Variants in TMED8 observed in about 807,000 individuals in gnomAD.
TMED8 encodes the protein protein TMED8.
Under a neutral mutation model 32.7 loss-of-function variants are expected in TMED8, and 15 were observed. The observed-to-expected ratio is 0.46, with a 90% CI of 0.31 to 0.71. The LOEUF is 0.71. Ranked by LOEUF, TMED8 falls within the 30% of genes least tolerant of loss-of-function variation. TMED8 has a pLI of 0.06. For synonymous variants in TMED8, 147 were observed against 161.4 expected (o/e 0.91, Z 0.68); for missense variants, 390 against 423.9 (o/e 0.92, Z 0.70).
chr14:77,344,407 T>C (rs1892980574), intron 3 of TMED8, among the ~76,000 whole-genome samples: 1 of 152,234 alleles, frequency 6.6e-6, no homozygotes, highest in Non-Finnish European at 1.5e-5. Flanking sequence ...TCACTAACAG[T>C]GTTCTATCAA....
At chr14:77,375,183 G>A (rs1446302645) in intron 1 of TMED8, among the ~76,000 whole-genome samples, 1 of 152,012 alleles carries the variant, frequency 6.6e-6, no homozygotes, top group Non-Finnish European at 1.5e-5. Context: ...ACCTCAAGAG[G>A]AAGAGCTTGC....
chr14:77,375,320 G>T (rs190792395), intron 1 of TMED8, among the ~76,000 whole-genome samples: 83 of 152,158 alleles, frequency 5.5e-4, no homozygotes, highest in African/African-American at 2.0e-3. Flanking sequence ...ATGCAGGAAT[G>T]AATTAGATGT....
chr14:77,343,110 C>T, intron 5 of TMED8, 68 bp downstream of exon 5: 1 of 1,512,268 alleles, frequency 6.6e-7, no homozygotes, highest in Non-Finnish European at 8.9e-7. Flanking sequence ...ACTGGTACAA[C>T]CCACAAAATG....
At position 77,343,813 on chromosome 14, in the gene TMED8, T is replaced by C. The variant is rs780778623; in HGVS notation, c.338A>G (p.Tyr113Cys). ...QAQVLNEMAK[Y>C]QVPQRSGDIV... ...GTCCCCAGACCTCTGTGGAACTTGATACTTAGCCATCTGCACAACAGAACT... is the reference window on the plus strand; with the variant it reads ...GTCCCCAGACCTCTGTGGAACTTGACACTTAGCCATCTGCACAACAGAACT... The change falls in exon 4 of 6, where the codon TAT (tyrosine) becomes TGT (cysteine). Residue 113 changes from tyrosine to cysteine, a missense_variant. Coordinates refer to ENST00000216468, the MANE Select transcript of TMED8 (RefSeq NM_213601.3). 2.5e-6 allele frequency: 4 copies of C among 1,613,584 alleles called. No homozygotes were observed. The highest frequency in any genetic ancestry group is 3.3e-5 in the Admixed American group (2 of 60,004).
At chr14:77,348,767 C>A (rs1893109791) in intron 2 of TMED8, among the ~76,000 whole-genome samples, 1 of 152,160 alleles carries the variant, frequency 6.6e-6, no homozygotes, top group Non-Finnish European at 1.5e-5. Context: ...AGAAGAATCA[C>A]TCCTTCAGAT....
intron 1 of TMED8, chr14:77,359,610 TA>T: frequency 2.6e-6 from 1 of 389,436 alleles, no homozygotes; most frequent in South Asian, 1.9e-5. Context: ...AAAAACAGTT[TA>T]AAAAGAAATA....
chr14:77,345,789 G>A (rs1566685132), intron 3 of TMED8, among the ~76,000 whole-genome samples: 1 of 151,824 alleles, frequency 6.6e-6, no homozygotes, highest in Non-Finnish European at 1.5e-5. Flanking sequence ...GACCAATATG[G>A]TGAAGCCCTG....
intron 1 of TMED8, among the ~76,000 whole-genome samples, chr14:77,357,844 C>A (rs193146147): frequency 7.2e-5 from 11 of 152,228 alleles, no homozygotes; most frequent in South Asian, 6.2e-4. Flanking sequence ...TCTTTAAAGG[C>A]TGGGCATGGT....
intron 3 of TMED8, among the ~76,000 whole-genome samples, chr14:77,344,569 G>A (rs1892983724): frequency 6.6e-6 from 1 of 152,196 alleles, no homozygotes; most frequent in Non-Finnish European, 1.5e-5. Flanking sequence ...TCTCCCTGGT[G>A]AGTTTCCCTT....
Position 77,351,657 on chromosome 14 carries a change from T to C in TMED8, c.197+16A>G, listed in dbSNP as rs2093624020. The C allele has an allele frequency of 6.2e-7, 1 of 1,602,960 alleles. No individual in the cohort carries two copies. Among genetic ancestry groups the C allele is most frequent in the Non-Finnish European group, 8.5e-7 (1 of 1,174,432 alleles). The stretch of plus-strand genomic sequence containing the variant: ...GAAGATAAAACCTGTGAAAGCATTC[T>C]ATCCAAAGTGGTTACCTGTGGGGTG... On this transcript the variant is annotated intron_variant, in intron 2 of 5. Coordinates refer to ENST00000216468, the MANE Select transcript of TMED8 (RefSeq NM_213601.3).
chr14:77,361,532 T>C (rs930474635), intron 1 of TMED8, among the ~76,000 whole-genome samples: 1 of 152,168 alleles, frequency 6.6e-6, no homozygotes, highest in African/African-American at 2.4e-5. Context: ...TTTCTTAGGA[T>C]TGCTTGTATA....
chr14:77,368,585 C>A (rs914735292), intron 1 of TMED8, among the ~76,000 whole-genome samples: 1 of 152,144 alleles, frequency 6.6e-6, no homozygotes, highest in African/African-American at 2.4e-5. Flanking sequence ...TCAAGAGATT[C>A]TTCGGCCTCA....
At chr14:77,363,009 T>C (rs1159430833) in intron 1 of TMED8, among the ~76,000 whole-genome samples, 1 of 152,076 alleles carries the variant, frequency 6.6e-6, no homozygotes, top group African/African-American at 2.4e-5. Context: ...GGAAAATAGA[T>C]AGCAATATAA....
At chr14:77,375,831 G>A (rs997715313) in intron 1 of TMED8, among the ~76,000 whole-genome samples, 2 of 152,204 alleles carry the variant, frequency 1.3e-5, no homozygotes, top group Non-Finnish European at 2.9e-5. Context: ...AGTATAGTGT[G>A]TACCATGGAC....
intron 1 of TMED8, among the ~76,000 whole-genome samples, chr14:77,359,214 C>T (rs1382031794): frequency 6.6e-6 from 1 of 152,146 alleles, no homozygotes; most frequent in Non-Finnish European, 1.5e-5. Flanking sequence ...CCAGCTACAA[C>T]TTGTTTTTAT....
chr14:77,371,383 A>T (rs1207630874), intron 1 of TMED8, among the ~76,000 whole-genome samples: 1 of 152,212 alleles, frequency 6.6e-6, no homozygotes, highest in East Asian at 1.9e-4. Flanking sequence ...ATTTAGGTTG[A>T]GCATTTTTCA....
intron 1 of TMED8, among the ~76,000 whole-genome samples, chr14:77,361,343 T>C (rs1893429543): frequency 6.6e-6 from 1 of 152,206 alleles, no homozygotes; most frequent in African/African-American, 2.4e-5. Flanking sequence ...GAAGAGACTA[T>C]CTTTTCCCCA....
intron 1 of TMED8, chr14:77,359,598 C>CA (rs1399752502): frequency 2.5e-6 from 1 of 399,618 alleles, no homozygotes; most frequent in Non-Finnish European, 4.9e-6. Flanking sequence ...TCTACTTGAT[C>CA]AAAAAACAGT....
At position 77,340,067 on chromosome 14, in the gene TMED8, T is replaced by G. The variant is rs1486086063; in HGVS notation, c.*1704A>C. The G allele has an allele frequency of 6.6e-6, 1 of 152,192 alleles. No individual in the cohort carries two copies. Among genetic ancestry groups the G allele is most frequent in the African/African-American group, 2.4e-5 (1 of 41,434 alleles). The allele number at this position is 152,192 out of a possible 1,614,324, so 9.4% of individuals were successfully genotyped here. Reference sequence around the variant, plus strand: ...TGAAATCCTGGAATCACGGGATATCTCTGATTGGTTAGGGAATTCCTCTGC... The same window carrying G: ...TGAAATCCTGGAATCACGGGATATCGCTGATTGGTTAGGGAATTCCTCTGC... On this transcript the variant is annotated 3_prime_UTR_variant, in exon 6 of 6. Coordinates refer to ENST00000216468, the MANE Select transcript of TMED8 (RefSeq NM_213601.3).
Sources: gnomAD v4.1 joint callset for allele counts (sites outside exome capture counted in the v4.1 genomes callset) on GRCh38, gnomAD v4.1.1 for gene constraint, MANE v1.5 for transcripts, NCBI Gene and HGNC (gene_info 2026-07-23, HGNC 2026-07-21) for gene names.